KCTD19: variants seen among roughly 807,000 people sequenced by gnomAD.
KCTD19 encodes the protein potassium channel tetramerization domain containing 19.
KCTD19 carries 67 observed loss-of-function variants against 103.5 expected under a neutral mutation model. That is an observed-to-expected ratio of 0.65 (90% CI 0.53 to 0.79). KCTD19 has a LOEUF of 0.79. Ranked by LOEUF, KCTD19 falls within the 30% of genes least tolerant of loss-of-function variation. The probability of loss-of-function intolerance (pLI) is 0.00; values close to 1 mark genes in which losing one functional copy is unlikely to be tolerated. For synonymous variants in KCTD19, 439 were observed against 452.2 expected (o/e 0.97, Z 0.37); for missense variants, 980 against 1,136.1 (o/e 0.86, Z 1.98).
chr16:67,307,315 A>ATT (rs149670849), intron 2 of KCTD19, among the ~76,000 whole-genome samples: 43 of 138,944 alleles, frequency 3.1e-4, no homozygotes, highest in African/African-American at 1.0e-3. Context: ...CACCCTGCTA[A>ATT]TTTTTTTTTT....
chr16:67,309,377 G>A (rs143468359), intron 2 of KCTD19, among the ~76,000 whole-genome samples: 2 of 152,282 alleles, frequency 1.3e-5, no homozygotes, highest in East Asian at 1.9e-4. Context: ...GGGATTCCAC[G>A]TTGGGATCTG....
At chr16:67,304,350 C>A in intron 3 of KCTD19, 71 bp downstream of exon 3, 1 of 1,477,668 alleles carries the variant, frequency 6.8e-7, no homozygotes, top group Non-Finnish European at 9.4e-7. Flanking sequence ...TGGATGGAAG[C>A]CACTTCTGTT....
rs2037096674 is a variant in KCTD19, at chr16:67,323,411, ACTTT to A, written c.4-2530_4-2527del. 6.6e-6 allele frequency among the ~76,000 whole-genome samples: 1 copy of A among 152,102 alleles called. No individual in the cohort carries two copies. Among genetic ancestry groups the A allele is most frequent in the Non-Finnish European group, 1.5e-5 (1 of 68,014 alleles). On this transcript the variant is annotated intron_variant, in intron 1 of 15. Coordinates refer to ENST00000304372, the MANE Select transcript of KCTD19 (RefSeq NM_001100915.3). This position sits in a 1 kb window ranked among gnomAD's most constrained non-coding sequence, Gnocchi z 4.1. Reference sequence around the variant, plus strand: ...GGTGGCTTGTGCTTGTAATCCCAGCACTTTGGAAGGCTGAGGCAGGAGATTCACT... The same window carrying A: ...GGTGGCTTGTGCTTGTAATCCCAGCAGGAAGGCTGAGGCAGGAGATTCACT...
intron 2 of KCTD19, among the ~76,000 whole-genome samples, chr16:67,316,911 C>T (rs182995732): frequency 3.5e-4 from 54 of 152,242 alleles, no homozygotes; most frequent in African/African-American, 1.3e-3. Flanking sequence ...AGCCTGGGTG[C>T]CTGTACTCCA....
At position 67,314,830 on chromosome 16, in the gene KCTD19, TAGAG is replaced by T. The variant is rs71145965; in HGVS notation, c.300+5755_300+5758del. On this transcript the variant is annotated intron_variant, in intron 2 of 15. Coordinates refer to ENST00000304372, the MANE Select transcript of KCTD19 (RefSeq NM_001100915.3). ...ATATATATATATATATATATATATA[TAGAG>T]AGAGAGAGAGAGAGAGAGAGAGAGA... Among the ~76,000 whole-genome samples the T allele has an allele frequency of 1.7e-3, 56 of 33,644 alleles. No individual in the cohort carries two copies. In the Admixed American group the frequency reaches 0.02, roughly 12 times the overall value. 22.1% of individuals were successfully genotyped at this position (33,644 alleles called of 152,430 possible). A position where few individuals can be genotyped will look rare whatever the true frequency, so the allele number is the denominator to read the frequency against.
chr16:67,304,249 A>C lies in KCTD19; in HGVS notation c.451+172T>G, dbSNP rs76267752. Among the ~76,000 whole-genome samples, 958 of 152,318 alleles carry C rather than the reference A, an allele frequency of 6.3e-3. 8 individuals are homozygous for C. The highest frequency in any genetic ancestry group is 0.022 in the African/African-American group (895 of 41,578). ...TGTGGAGGAGAATGTTGGTTCCAGC[A>C]GGCAAGCAGCCATGGAGAGGGCCTG... On this transcript the variant is annotated intron_variant, in intron 3 of 15. Transcript: ENST00000304372.
intron 1 of KCTD19, among the ~76,000 whole-genome samples, chr16:67,324,244 TCAAACATA>T (rs1275996930): frequency 6.6e-6 from 1 of 152,192 alleles, no homozygotes; most frequent in Non-Finnish European, 1.5e-5. Flanking sequence ...TAGAGAGCCA[TCAAACATA>T]CAAACCATCC....
In KCTD19 at chr16:67,291,676, T is replaced by G; in HGVS notation, c.2380A>C (p.Thr794Pro). The change falls in exon 13 of 16, where the codon ACA becomes CCA. Residue 794 changes from threonine to proline, a missense_variant. Physicochemically the swap from Thr to Pro is conservative, Grantham distance 38. Transcript: ENST00000304372. ...YTTEMDNLRH[T>P]TPTASPQPQE... is the part of the protein sequence containing the mutation. ...GGCTGGGGACTGGCTGTGGGTGTTGTGTGCCTGAGGTTGTCCATCTCCGTG... is the reference window on the plus strand; with the variant it reads ...GGCTGGGGACTGGCTGTGGGTGTTGGGTGCCTGAGGTTGTCCATCTCCGTG... 1 of 1,614,022 alleles carries G rather than the reference T, an allele frequency of 6.2e-7. No homozygotes were observed. Among genetic ancestry groups the G allele is most frequent in the African/African-American group, 1.3e-5 (1 of 75,030 alleles).
intron 2 of KCTD19, among the ~76,000 whole-genome samples, chr16:67,306,184 A>G (rs912204229): frequency 1.3e-5 from 2 of 152,330 alleles, no homozygotes; most frequent in South Asian, 4.1e-4. Context: ...AAGATATGAA[A>G]GACCACAATT....
chr16:67,311,672 T>C (rs2036950830), intron 2 of KCTD19, among the ~76,000 whole-genome samples: 1 of 151,978 alleles, frequency 6.6e-6, no homozygotes, highest in Non-Finnish European at 1.5e-5. Context: ...AGAGAAAGCA[T>C]GTGGGGTGCT....
At chr16:67,310,988 C>T (rs1046953409) in intron 2 of KCTD19, among the ~76,000 whole-genome samples, 5 of 152,168 alleles carry the variant, frequency 3.3e-5, no homozygotes, top group African/African-American at 4.8e-5. Context: ...TAAAACCTAC[C>T]CCTTCACTGT....
At chr16:67,325,590 CCTT>C (rs1335518320) in intron 1 of KCTD19, among the ~76,000 whole-genome samples, 1 of 151,918 alleles carries the variant, frequency 6.6e-6, no homozygotes, top group Non-Finnish European at 1.5e-5. Context: ...GGTCCTGGCT[CCTT>C]CTTACATACA....
At chr16:67,318,392 T>C (rs2037035049) in intron 2 of KCTD19, among the ~76,000 whole-genome samples, 1 of 151,910 alleles carries the variant, frequency 6.6e-6, no homozygotes, top group Admixed American at 6.5e-5. Flanking sequence ...TGAAACCCTG[T>C]CTCTACTAAA....
At chr16:67,302,223 T>C in intron 4 of KCTD19, 1 of 288,670 alleles carries the variant, frequency 3.5e-6, no homozygotes, top group Admixed American at 4.8e-5. Flanking sequence ...CCTGTGAGTT[T>C]TGACCCAAGA....
intron 12 of KCTD19, 74 bp from the exon 13 acceptor site, chr16:67,291,911 T>C: frequency 9.4e-7 from 1 of 1,066,036 alleles, no homozygotes; most frequent in South Asian, 1.9e-5. Flanking sequence ...TTTGCTTTTG[T>C]TGCCCAGGCT....
At chr16:67,319,638 T>C (rs1453668590) in intron 2 of KCTD19, among the ~76,000 whole-genome samples, 1 of 152,154 alleles carries the variant, frequency 6.6e-6, no homozygotes, top group African/African-American at 2.4e-5. Flanking sequence ...AGAAAGGTAA[T>C]GTTTTTAGCA....
In KCTD19 at chr16:67,297,544, G is replaced by A. The variant is rs752943998; in HGVS notation, c.1106C>T (p.Thr369Ile). 1 of 1,614,118 alleles carries A rather than the reference G, an allele frequency of 6.2e-7. No homozygotes were observed. The highest frequency in any genetic ancestry group is 1.1e-5 in the South Asian group (1 of 91,082). The change falls in exon 7 of 16, where the codon ACT (threonine) becomes ATT (isoleucine). Residue 369 changes from threonine (T) to isoleucine (I), a missense_variant. Thr to Ile is a moderately conservative substitution (Grantham distance 89). Transcript: ENST00000304372. ...TYEPIKVALKTHLEPRTLAPM... is the reference protein window; with the variant it reads ...TYEPIKVALKIHLEPRTLAPM... ...TGCCAAAGTCCTTGGCTCCAGATGA[G>A]TCTTCAAAGCAACTTTGATTGGCTC...
chr16:67,301,376 T>G (rs1232339167), intron 5 of KCTD19: 1 of 161,160 alleles, frequency 6.2e-6, no homozygotes, highest in Non-Finnish European at 1.4e-5. Context: ...TTCCCACACC[T>G]CCAACCGTGC....
intron 6 of KCTD19, 116 bp from the exon 7 acceptor site, chr16:67,297,779 T>C: frequency 1.1e-6 from 1 of 919,476 alleles, no homozygotes. Context: ...AAATCAGGCA[T>C]CATTAACATC....
Sources: allele counts gnomAD v4.1 joint callset (sites outside exome capture counted in the v4.1 genomes callset), GRCh38; gene constraint gnomAD v4.1.1; non-coding constraint Gnocchi (gnomAD v3.1); transcripts MANE v1.5; gene names NCBI Gene and HGNC (gene_info 2026-07-23, HGNC 2026-07-21).